ZNF385B: variants seen among roughly 807,000 people sequenced by gnomAD.
The protein encoded by ZNF385B is zinc finger protein 533.
A neutral mutation model predicts 39.2 loss-of-function variants in ZNF385B; 23 were observed. That is an observed-to-expected ratio of 0.59 (90% CI 0.42 to 0.83). The LOEUF is 0.83. Among genes scored for constraint, ZNF385B ranks in the 40% least tolerant of loss-of-function variants. The pLI is 0.00. For synonymous variants in ZNF385B, 205 were observed against 222.6 expected (o/e 0.92, Z 0.70); for missense variants, 552 against 598.9 (o/e 0.92, Z 0.82).
At chr2:179,738,446 T>C (rs1160881237) in intron 3 of ZNF385B, among the ~76,000 whole-genome samples, 2 of 152,140 alleles carry the variant, frequency 1.3e-5, no homozygotes, top group African/African-American at 4.8e-5. Context: ...TTATAGATAC[T>C]CTATTTCTAC....
At chr2:179,752,709 G>A (rs548526672) in intron 3 of ZNF385B, among the ~76,000 whole-genome samples, 3 of 151,270 alleles carry the variant, frequency 2.0e-5, no homozygotes, top group Admixed American at 1.3e-4. Flanking sequence ...TTTTTCATTT[G>A]TCTGGCTGCA....
intron 3 of ZNF385B, among the ~76,000 whole-genome samples, chr2:179,568,137 C>T (rs906386197): frequency 6.6e-6 from 1 of 152,164 alleles, no homozygotes; most frequent in African/African-American, 2.4e-5. Context: ...ATCTAAGCGT[C>T]CTTCCTCTCT....
At chr2:179,797,349 A>G (rs1045835412) in intron 1 of ZNF385B, among the ~76,000 whole-genome samples, 2 of 152,192 alleles carry the variant, frequency 1.3e-5, no homozygotes, top group African/African-American at 4.8e-5. Context: ...TAAATATTTT[A>G]GTATGTCTCT....
intron 3 of ZNF385B, among the ~76,000 whole-genome samples, chr2:179,631,972 T>C (rs1052167327): frequency 1.3e-5 from 2 of 152,014 alleles, no homozygotes; most frequent in Non-Finnish European, 1.5e-5. Context: ...GGTAAAGGGA[T>C]CAATTCAACA....
At chr2:179,800,199 A>G (rs1705940850) in intron 1 of ZNF385B, among the ~76,000 whole-genome samples, 3 of 152,134 alleles carry the variant, frequency 2.0e-5, no homozygotes, top group Admixed American at 2.0e-4. Flanking sequence ...TTTTATATTA[A>G]GGGAAAATAA....
chr2:179,548,314 A>G (rs1228513717), intron 3 of ZNF385B, among the ~76,000 whole-genome samples: 1 of 149,650 alleles, frequency 6.7e-6, no homozygotes, highest in African/African-American at 2.5e-5. Context: ...CTCTCCAGTA[A>G]CAAGCATCCT....
intron 3 of ZNF385B, among the ~76,000 whole-genome samples, chr2:179,629,892 C>T (rs1401715166): frequency 6.6e-6 from 1 of 152,240 alleles, no homozygotes; most frequent in Non-Finnish European, 1.5e-5. Context: ...GGGTCCCACA[C>T]CCATGGAGCC....
In ZNF385B at chr2:179,587,190, C is replaced by T. The variant is rs564735607; in HGVS notation, c.299-42221G>A. Among the ~76,000 whole-genome samples the T allele has an allele frequency of 4.6e-5, 7 of 152,278 alleles. No individual in the cohort carries two copies. In the East Asian group the frequency reaches 1.4e-3, roughly 29 times the overall value. ...TCTTTAAATACATACCAGCTGAAGA[C>T]AAACTAATATGTTACCACATTCTTG... On this transcript the variant is annotated intron_variant, in intron 3 of 9. Coordinates refer to ENST00000410066, the MANE Select transcript of ZNF385B (RefSeq NM_152520.6).
chr2:179,751,626 T>C (rs750824504), intron 3 of ZNF385B, among the ~76,000 whole-genome samples: 5 of 151,522 alleles, frequency 3.3e-5, no homozygotes, highest in Non-Finnish European at 7.4e-5. Flanking sequence ...GAATGTAGAA[T>C]AGGAATGAAA....
At chr2:179,552,821 T>C (rs992472775) in intron 3 of ZNF385B, among the ~76,000 whole-genome samples, 2 of 149,274 alleles carry the variant, frequency 1.3e-5, no homozygotes, top group African/African-American at 5.0e-5. Flanking sequence ...AGAGATAACA[T>C]TTTTATAGAA....
chr2:179,445,635 C>T lies in ZNF385B; in HGVS notation c.1055G>A (p.Gly352Asp), dbSNP rs1218130500. The T allele has an allele frequency of 1.2e-6, 2 of 1,613,914 alleles. No individual in the cohort carries two copies. The highest frequency in any genetic ancestry group is 2.2e-5 in the East Asian group (1 of 44,874). The stretch of plus-strand genomic sequence containing the variant: ...GTTCTGTAGTCCTGACCCCTTACTG[C>T]CATTCTGCATCTTTAATCTTGATCC... ...RPGSRLKMQNGSKGSGLQNKT... is the reference protein window; with the variant it reads ...RPGSRLKMQNDSKGSGLQNKT... The change falls in exon 8 of 10, where the codon GGC becomes GAC. Residue 352 changes from glycine (G) to aspartate (D), a missense_variant. By Grantham distance (94) the Gly-to-Asp change is moderately conservative. Coordinates refer to ENST00000410066, the MANE Select transcript of ZNF385B (RefSeq NM_152520.6).
At chr2:179,445,036 T>A in intron 8 of ZNF385B, 59 bp from the exon 9 acceptor site, 1 of 1,447,236 alleles carries the variant, frequency 6.9e-7, no homozygotes, top group Non-Finnish European at 9.7e-7. Context: ...ATGTAAAACG[T>A]ATTTCTAGGT....
intron 4 of ZNF385B, among the ~76,000 whole-genome samples, chr2:179,529,997 T>G (rs2059155043): frequency 6.7e-6 from 1 of 149,548 alleles, no homozygotes; most frequent in East Asian, 1.9e-4. Context: ...GACTAAAAAA[T>G]AATTTTTCAG....
chr2:179,487,100 A>G (rs2054653765), intron 5 of ZNF385B, among the ~76,000 whole-genome samples: 1 of 152,242 alleles, frequency 6.6e-6, no homozygotes, highest in African/African-American at 2.4e-5. Flanking sequence ...CAAGTACAAG[A>G]TAAACAGTGT....
chr2:179,662,725 A>G (rs1694641073), intron 3 of ZNF385B, among the ~76,000 whole-genome samples: 1 of 152,144 alleles, frequency 6.6e-6, no homozygotes, highest in Non-Finnish European at 1.5e-5. Flanking sequence ...GCTTTTTAAA[A>G]TACTTGCTTT....
intron 3 of ZNF385B, among the ~76,000 whole-genome samples, chr2:179,598,826 CT>C (rs1688197631): frequency 6.6e-6 from 1 of 152,158 alleles, no homozygotes; most frequent in African/African-American, 2.4e-5. Flanking sequence ...TATTGTTCAA[CT>C]TTCTAAAAAG....
chr2:179,807,059 G>C (rs1392644022), intron 1 of ZNF385B, among the ~76,000 whole-genome samples: 1 of 152,122 alleles, frequency 6.6e-6, no homozygotes, highest in Non-Finnish European at 1.5e-5. Flanking sequence ...TTCACTTCTA[G>C]GTATACGGTT....
chr2:179,706,984 C>A lies in ZNF385B; in HGVS notation c.298+62519G>T, dbSNP rs75985734. Among the ~76,000 whole-genome samples, 16 of 152,086 alleles carry A rather than the reference C, an allele frequency of 1.1e-4. No homozygotes were observed. In the East Asian group the frequency reaches 1.2e-3, roughly 11 times the overall value. ...ATTATGACTAAATCATCCTGGGACC[C>A]CAAGATACCTGGGACCCCCATGATG... On this transcript the variant is annotated intron_variant, in intron 3 of 9. Coordinates refer to ENST00000410066, the MANE Select transcript of ZNF385B (RefSeq NM_152520.6).
At chr2:179,550,860 G>A (rs1165761125) in intron 3 of ZNF385B, among the ~76,000 whole-genome samples, 1 of 141,252 alleles carries the variant, frequency 7.1e-6, no homozygotes, top group Non-Finnish European at 1.5e-5. Flanking sequence ...GTCAGCAGGA[G>A]TTACAAGCGG....
Sources: gnomAD v4.1 joint callset for allele counts (sites outside exome capture counted in the v4.1 genomes callset) on GRCh38, gnomAD v4.1.1 for gene constraint, MANE v1.5 for transcripts, NCBI Gene and HGNC (gene_info 2026-07-23, HGNC 2026-07-21) for gene names.